DCC: variants seen among roughly 807,000 people sequenced by gnomAD.
The protein encoded by DCC is netrin receptor DCC.
DCC carries 58 observed loss-of-function variants against 172.5 expected under a neutral mutation model. The observed-to-expected ratio is 0.34, with a 90% CI of 0.27 to 0.42. The LOEUF (loss-of-function observed/expected upper bound fraction) is 0.42, where lower values mean the gene tolerates loss of function less well. Ranked by LOEUF, DCC falls within the 10% of genes least tolerant of loss-of-function variation. DCC has a pLI of 1.00. For synonymous variants in DCC, 709 were observed against 644.5 expected (o/e 1.10, Z -1.52); for missense variants, 1,740 against 1,791.0 (o/e 0.97, Z 0.51).
At chr18:52,635,756 A>G (rs1421360608) in intron 1 of DCC, among the ~76,000 whole-genome samples, 1 of 152,202 alleles carries the variant, frequency 6.6e-6, no homozygotes, top group East Asian at 1.9e-4. Flanking sequence ...TGAAAAATCA[A>G]TAAGACCTTG....
At chr18:52,699,897 A>G (rs1022143467) in intron 1 of DCC, among the ~76,000 whole-genome samples, 1 of 152,142 alleles carries the variant, frequency 6.6e-6, no homozygotes, top group Non-Finnish European at 1.5e-5. Context: ...TAACATGTAC[A>G]ATGGTCTTTA....
intron 1 of DCC, among the ~76,000 whole-genome samples, chr18:52,594,053 AAGG>A (rs1261891685): frequency 6.6e-6 from 1 of 152,190 alleles, no homozygotes; most frequent in African/African-American, 2.4e-5. Flanking sequence ...AGCTGGCTGG[AAGG>A]AGAACCCAAA....
chr18:52,505,303 A>G (rs1467528836), intron 1 of DCC, among the ~76,000 whole-genome samples: 4 of 152,282 alleles, frequency 2.6e-5, no homozygotes, highest in Middle Eastern at 3.4e-3. Context: ...AGAAAATCCC[A>G]TGAGTTAATG....
chr18:53,378,180 C>T (rs956704371), intron 15 of DCC, among the ~76,000 whole-genome samples: 6 of 152,130 alleles, frequency 3.9e-5, no homozygotes, highest in East Asian at 1.9e-4. Context: ...GGGCTGGTCT[C>T]GAACTCCTGG....
At chr18:53,474,720 A>T (rs2145196595) in intron 25 of DCC, among the ~76,000 whole-genome samples, 1 of 152,332 alleles carries the variant, frequency 6.6e-6, no homozygotes, top group Non-Finnish European at 1.5e-5. Context: ...GTATGTCTTT[A>T]TCAGCAGCGT....
chr18:52,671,584 G>A (rs77648446), intron 1 of DCC, among the ~76,000 whole-genome samples: 7,522 of 130,256 alleles, frequency 0.058, 247 homozygotes, highest in Middle Eastern at 0.17. Context: ...CACCCACCCC[G>A]GCTGGAGCAC....
chr18:52,737,088 T>A (rs2036741513), intron 1 of DCC, among the ~76,000 whole-genome samples: 1 of 152,218 alleles, frequency 6.6e-6, no homozygotes, highest in Non-Finnish European at 1.5e-5. Flanking sequence ...TTAGATAAAT[T>A]TTAGGCTTTT....
chr18:53,034,182 G>T (rs984851402), intron 5 of DCC, among the ~76,000 whole-genome samples: 1 of 151,768 alleles, frequency 6.6e-6, no homozygotes, highest in South Asian at 2.1e-4. Flanking sequence ...CCAAAATTCT[G>T]CCCCGAGCTT....
At chr18:53,498,856 G>C (rs2046060201) in intron 26 of DCC, among the ~76,000 whole-genome samples, 2 of 152,156 alleles carry the variant, frequency 1.3e-5, no homozygotes, top group South Asian at 4.1e-4. Flanking sequence ...ACTCTGATTT[G>C]TTTGACAGTT....
chr18:53,051,334 C>T (rs1012973381), intron 5 of DCC, among the ~76,000 whole-genome samples: 1 of 152,120 alleles, frequency 6.6e-6, no homozygotes, highest in Non-Finnish European at 1.5e-5. Flanking sequence ...TCTCATTCCT[C>T]CTCTCATTTG....
chr18:53,131,208 T>A (rs1253938405), intron 7 of DCC, among the ~76,000 whole-genome samples: 1 of 152,142 alleles, frequency 6.6e-6, no homozygotes, highest in African/African-American at 2.4e-5. Flanking sequence ...AATATCAGCA[T>A]AATTTTCTTG....
intron 5 of DCC, among the ~76,000 whole-genome samples, chr18:52,956,552 C>G (rs2040747555): frequency 6.6e-6 from 1 of 151,908 alleles, no homozygotes; most frequent in Non-Finnish European, 1.5e-5. Context: ...TTTGTTCTTA[C>G]CCTTAAATAT....
intron 23 of DCC, among the ~76,000 whole-genome samples, chr18:53,456,821 G>A (rs2045488909): frequency 6.6e-6 from 1 of 152,198 alleles, no homozygotes; most frequent in African/African-American, 2.4e-5. Flanking sequence ...CAGCAGTCGT[G>A]TCAAGAACCA....
intron 23 of DCC, among the ~76,000 whole-genome samples, chr18:53,455,344 T>C (rs1300105416): frequency 6.6e-6 from 1 of 152,206 alleles, no homozygotes; most frequent in Non-Finnish European, 1.5e-5. Context: ...CAAAATAACC[T>C]ATATGGTAAC....
intron 14 of DCC, among the ~76,000 whole-genome samples, chr18:53,338,279 C>T (rs1264005548): frequency 6.6e-6 from 1 of 152,122 alleles, no homozygotes; most frequent in Non-Finnish European, 1.5e-5. Context: ...CACCTAGGCT[C>T]ACACCTCAAA....
chr18:53,430,382 A>G (rs1159025043), intron 21 of DCC, among the ~76,000 whole-genome samples: 1 of 152,150 alleles, frequency 6.6e-6, no homozygotes, highest in Non-Finnish European at 1.5e-5. Context: ...ACAAACGATT[A>G]GAACTACCAC....
At chr18:53,525,563 T>A (rs1480936692) in intron 27 of DCC, among the ~76,000 whole-genome samples, 1 of 152,106 alleles carries the variant, frequency 6.6e-6, no homozygotes, top group Non-Finnish European at 1.5e-5. Context: ...TTATTAGATT[T>A]ATTTATTATT....
chr18:53,100,057 C>T (rs568964414), intron 7 of DCC, among the ~76,000 whole-genome samples: 101 of 150,988 alleles, frequency 6.7e-4, no homozygotes, highest in African/African-American at 2.3e-3. Flanking sequence ...AGCAATTCTC[C>T]TGCATCAGCC....
intron 5 of DCC, among the ~76,000 whole-genome samples, chr18:53,016,908 T>C (rs955767327): frequency 1.3e-5 from 2 of 152,196 alleles, no homozygotes; most frequent in African/African-American, 4.8e-5. Context: ...TTGATAAAGA[T>C]GTCCTCTGTG....
Sources: allele counts gnomAD v4.1 joint callset (sites outside exome capture counted in the v4.1 genomes callset), GRCh38; gene constraint gnomAD v4.1.1; transcripts MANE v1.5; gene names NCBI Gene and HGNC (gene_info 2026-07-23, HGNC 2026-07-21).